CHAT: variants seen among roughly 807,000 people sequenced by gnomAD.
CHAT encodes the protein acetyl CoA:choline O-acetyltransferase.
CHAT carries 61 observed loss-of-function variants against 76.9 expected under a neutral mutation model. That is an observed-to-expected ratio of 0.79 (90% CI 0.65 to 0.98). The LOEUF is 0.98. Among genes scored for constraint, CHAT ranks in the 50% least tolerant of loss-of-function variants. The pLI is 0.00. For missense variants in CHAT, 946 were observed against 986.9 expected, an observed-to-expected ratio of 0.96 and a Z score of 0.56; for synonymous variants, 407 against 397.4, an observed-to-expected ratio of 1.02 and a Z score of -0.29.
chr10:49,649,965 T>C (rs1839823039), intron 10 of CHAT, among the ~76,000 whole-genome samples: 1 of 147,184 alleles, frequency 6.8e-6, no homozygotes, highest in Admixed American at 6.9e-5. Context: ...AATAAACAAC[T>C]GGTTTGAATA....
chr10:49,652,833 C>T (rs962451690), intron 11 of CHAT, among the ~76,000 whole-genome samples: 17 of 151,928 alleles, frequency 1.1e-4, no homozygotes, highest in African/African-American at 3.1e-4. Context: ...CTGCCACCCA[C>T]GGAAGGTGTG....
intron 10 of CHAT, 69 bp from the exon 11 acceptor site, chr10:49,651,815 C>A (rs1174306273): frequency 5.9e-6 from 9 of 1,525,480 alleles, no homozygotes; most frequent in East Asian, 2.3e-5. Flanking sequence ...TCTAGAAGCC[C>A]GGGGAAACCC....
At chr10:49,610,925 C>A (rs1229040718), upstream of CHAT, 3 of 1,611,154 alleles carry the variant, frequency 1.9e-6, no homozygotes, top group African/African-American at 2.7e-5. Flanking sequence ...GACTACATCG[C>A]CCACATGCGC....
At chr10:49,661,661 G>A (rs1413918529) in intron 13 of CHAT, among the ~76,000 whole-genome samples, 1 of 152,122 alleles carries the variant, frequency 6.6e-6, no homozygotes, top group African/African-American at 2.4e-5. Context: ...AACCCCAAGA[G>A]TTACTCACAG....
chr10:49,660,717 T>C (rs1840168203), intron 13 of CHAT, among the ~76,000 whole-genome samples: 1 of 152,142 alleles, frequency 6.6e-6, no homozygotes, highest in Non-Finnish European at 1.5e-5. Flanking sequence ...GAAAACACCC[T>C]CCAAAGCATT....
intron 8 of CHAT, chr10:49,648,147 T>C (rs776273717): frequency 5.6e-6 from 2 of 359,384 alleles, no homozygotes; most frequent in Non-Finnish European, 1.0e-5. Context: ...GAGACCCCGA[T>C]GTGAGCTATG....
upstream of CHAT, chr10:49,610,877 A>C (rs1325736326): frequency 6.2e-7 from 1 of 1,613,112 alleles, no homozygotes; most frequent in African/African-American, 1.3e-5. Flanking sequence ...CTGTTACTGG[A>C]CAACATGCTG....
chr10:49,655,957 AG>A, intron 13 of CHAT, among the ~76,000 whole-genome samples: 1 of 152,356 alleles, frequency 6.6e-6, no homozygotes, highest in African/African-American at 2.4e-5. Context: ...ATGTTTCTCT[AG>A]CTTAGAGAAA....
At chr10:49,629,031 G>A (rs1839023121) in intron 7 of CHAT, among the ~76,000 whole-genome samples, 2 of 152,248 alleles carry the variant, frequency 1.3e-5, no homozygotes, top group Non-Finnish European at 2.9e-5. Context: ...GGCCTGCCTT[G>A]GGCATCCTTC....
chr10:49,612,068 T>A, upstream of CHAT: 8 of 1,613,620 alleles, frequency 5.0e-6, no homozygotes, highest in Non-Finnish European at 6.8e-6. Context: ...GGCCACATTG[T>A]GCACTCGCTG....
intron 13 of CHAT, among the ~76,000 whole-genome samples, chr10:49,659,346 T>A (rs1840122277): frequency 6.6e-6 from 1 of 152,118 alleles, no homozygotes; most frequent in African/African-American, 2.4e-5. Flanking sequence ...GAATGTAGAC[T>A]TCTAAAGTGA....
intron 6 of CHAT, among the ~76,000 whole-genome samples, chr10:49,627,261 T>C (rs1232157504): frequency 6.6e-6 from 1 of 152,260 alleles, no homozygotes; most frequent in African/African-American, 2.4e-5. Flanking sequence ...ATAAGTGCAA[T>C]TGCTTAGTCA....
chr10:49,665,065 A>G lies in CHAT; in HGVS notation c.*19A>G, dbSNP rs776653200. On this transcript the variant is annotated 3_prime_UTR_variant, in exon 15 of 15. Transcript: ENST00000337653. ...ACCTTGACTCCTGCCACTAGGTTTC[A>G]CCTCCCAAACCCAGCCTCTAGAACA... 2 of 1,612,448 alleles carry G rather than the reference A, an allele frequency of 1.2e-6. No individual in the cohort carries two copies. The highest frequency in any genetic ancestry group is 1.1e-5 in the South Asian group (1 of 90,998).
chr10:49,621,732 C>T (rs1236205179), intron 4 of CHAT, among the ~76,000 whole-genome samples: 1 of 152,148 alleles, frequency 6.6e-6, no homozygotes, highest in East Asian at 1.9e-4. Flanking sequence ...CCTCTCTGCT[C>T]CCTCTCCTCT....
At chr10:49,616,794 G>T (rs964071138) in intron 2 of CHAT, among the ~76,000 whole-genome samples, 192 bp downstream of exon 2, 1 of 152,206 alleles carries the variant, frequency 6.6e-6, no homozygotes, top group Non-Finnish European at 1.5e-5. Context: ...GAGGGGCTGA[G>T]ACGGGCCTCA....
intron 7 of CHAT, among the ~76,000 whole-genome samples, chr10:49,636,911 A>T (rs1247997233): frequency 6.6e-6 from 1 of 152,206 alleles, no homozygotes. Context: ...GGTCCATTTC[A>T]TGTAAGTTGT....
chr10:49,652,054 A>T (rs756032353), intron 11 of CHAT, 48 bp downstream of exon 11: 1 of 1,613,654 alleles, frequency 6.2e-7, no homozygotes, highest in South Asian at 1.1e-5. Context: ...TGACGGACAC[A>T]GTGCTGTAGG....
At chr10:49,619,972 C>A in intron 3 of CHAT, 56 bp downstream of exon 3, 1 of 1,548,522 alleles carries the variant, frequency 6.5e-7, no homozygotes, top group Non-Finnish European at 8.8e-7. Flanking sequence ...GACCTGGAGA[C>A]AGAGGGATCT....
chr10:49,609,919 T>C (rs1838243753), upstream of CHAT, among the ~76,000 whole-genome samples: 1 of 151,882 alleles, frequency 6.6e-6, no homozygotes, highest in East Asian at 2.0e-4. Context: ...CGCAAGCCTC[T>C]GGCTCCCGCC....
Sources: allele counts gnomAD v4.1 joint callset (sites outside exome capture counted in the v4.1 genomes callset), GRCh38; gene constraint gnomAD v4.1.1; transcripts MANE v1.5; gene names NCBI Gene and HGNC (gene_info 2026-07-23, HGNC 2026-07-21).